The following CHST11 variants were observed in gnomAD, a reference collection of about 807,000 sequenced individuals.
The protein encoded by CHST11 is carbohydrate sulfotransferase 11, also known as C4S-1.
CHST11 carries 9 observed loss-of-function variants against 30.4 expected under a neutral mutation model. The observed-to-expected ratio is 0.30, with a 90% confidence interval of 0.18 to 0.52. The LOEUF is 0.52. Among genes scored for constraint, CHST11 ranks in the 20% least tolerant of loss-of-function variants. CHST11 has a pLI of 0.97. For missense variants in CHST11, 348 were observed against 460.6 expected (o/e 0.76, Z 2.24); for synonymous variants, 152 against 187.8 (o/e 0.81, Z 1.56).
chr12:104,630,952 C>T (rs139927507), intron 2 of CHST11, among the ~76,000 whole-genome samples: 2 of 152,256 alleles, frequency 1.3e-5, no homozygotes, highest in African/African-American at 4.8e-5. Context: ...AGAATAAGGG[C>T]CTCTCATTAA....
chr12:104,581,548 T>A (rs1344516572), intron 1 of CHST11, among the ~76,000 whole-genome samples: 1 of 152,158 alleles, frequency 6.6e-6, no homozygotes, highest in Non-Finnish European at 1.5e-5. Flanking sequence ...TGGAAACCGT[T>A]GATTTAAAGG....
At chr12:104,500,275 G>T (rs1279917059) in intron 1 of CHST11, among the ~76,000 whole-genome samples, 2 of 152,088 alleles carry the variant, frequency 1.3e-5, no homozygotes, top group African/African-American at 4.8e-5. Flanking sequence ...CTCTCCTCTG[G>T]CAGCCTTGGT....
intron 2 of CHST11, among the ~76,000 whole-genome samples, chr12:104,709,250 C>T (rs1025023802): frequency 5.3e-5 from 8 of 152,224 alleles, no homozygotes; most frequent in Non-Finnish European, 8.8e-5. Flanking sequence ...CCCACAGCCT[C>T]GCCCCCACAC....
chr12:104,594,658 A>T (rs1426831601), intron 1 of CHST11, among the ~76,000 whole-genome samples: 3 of 152,122 alleles, frequency 2.0e-5, no homozygotes, highest in Admixed American at 6.5e-5. Context: ...CTTCTTTTGC[A>T]TTTAAAAGGA....
At chr12:104,538,916 C>G (rs2038262763) in intron 1 of CHST11, among the ~76,000 whole-genome samples, 1 of 152,176 alleles carries the variant, frequency 6.6e-6, no homozygotes, top group African/African-American at 2.4e-5. Flanking sequence ...GACACGGTGT[C>G]TGCATTCAAC....
At chr12:104,750,463 A>T (rs2040422257) in intron 2 of CHST11, among the ~76,000 whole-genome samples, 2 of 30,172 alleles carry the variant, frequency 6.6e-5, no homozygotes, top group Non-Finnish European at 1.2e-4. Flanking sequence ...TTTTGTTGAG[A>T]CTGAGTCTCG....
In CHST11 at chr12:104,601,987, T is replaced by C. The variant is rs779979438; in HGVS notation, c.200T>C (p.Ile67Thr). 1 of 1,612,628 alleles carries C rather than the reference T, an allele frequency of 6.2e-7. No homozygotes were observed. Among genetic ancestry groups the C allele is most frequent in the South Asian group, 1.1e-5 (1 of 90,966 alleles). ...RSPLQELYNP[I>T]QLELSNTAVL... ...CCCCTGCAGGAACTCTACAACCCAA[T>C]CCAGGTAAGCTTCAAGCACTCTGTC... Residue 67 changes from isoleucine (I) to threonine (T), a missense_variant, in exon 2 of 3, where the codon ATC (isoleucine) becomes ACC (threonine). Ile to Thr is a moderately conservative substitution (Grantham distance 89). Transcript: ENST00000303694.
intron 2 of CHST11, among the ~76,000 whole-genome samples, chr12:104,656,516 C>T (rs1162936749): frequency 6.6e-6 from 1 of 152,196 alleles, no homozygotes; most frequent in Non-Finnish European, 1.5e-5. Context: ...CTCGTGTCAT[C>T]TCCTATGAAG....
chr12:104,742,087 G>A (rs1382857563), intron 2 of CHST11, among the ~76,000 whole-genome samples: 4 of 152,220 alleles, frequency 2.6e-5, no homozygotes, highest in Admixed American at 6.5e-5. Context: ...ACCATGCTAT[G>A]TGCTTTCCTT....
chr12:104,506,728 A>C (rs913205103), intron 1 of CHST11, among the ~76,000 whole-genome samples: 1 of 152,200 alleles, frequency 6.6e-6, no homozygotes, highest in Non-Finnish European at 1.5e-5. Flanking sequence ...GGGAGGGCTA[A>C]GAGGACACAG....
Position 104,457,385 on chromosome 12 carries a change from C to A in CHST11, c.-27C>A. The stretch of plus-strand genomic sequence containing the variant: ...CGCCCCGGGCGCGCTTCCCGGACAC[C>A]CCGGTCCCCGCAGCCAGGACAAAGC... On this transcript the variant is annotated 5_prime_UTR_variant, in exon 1 of 3. Coordinates refer to ENST00000303694, the MANE Select transcript of CHST11 (RefSeq NM_018413.6). 6.3e-7 allele frequency: 1 copy of A among 1,575,516 alleles called. No individual in the cohort carries two copies. The highest frequency in any genetic ancestry group is 8.7e-7 in the Non-Finnish European group (1 of 1,146,794).
At chr12:104,704,290 C>A (rs1396011095) in intron 2 of CHST11, among the ~76,000 whole-genome samples, 1 of 152,196 alleles carries the variant, frequency 6.6e-6, no homozygotes, top group African/African-American at 2.4e-5. Flanking sequence ...CTCAGGGAGA[C>A]CCAGGAAGGC....
intron 2 of CHST11, among the ~76,000 whole-genome samples, chr12:104,641,485 C>T (rs1446584040): frequency 6.6e-6 from 1 of 152,132 alleles, no homozygotes; most frequent in Non-Finnish European, 1.5e-5. Context: ...CACCTGTGTT[C>T]CCCCTCCTCT....
At chr12:104,608,676 AC>A (rs1469124751) in intron 2 of CHST11, among the ~76,000 whole-genome samples, 1 of 152,170 alleles carries the variant, frequency 6.6e-6, no homozygotes, top group African/African-American at 2.4e-5. Flanking sequence ...GCAGGACATA[AC>A]CCATTATGTG....
chr12:104,513,136 GGT>G (rs2037985066), intron 1 of CHST11, among the ~76,000 whole-genome samples: 9 of 95,490 alleles, frequency 9.4e-5, no homozygotes, highest in African/African-American at 2.3e-4. Context: ...GGGGGGGGGG[GGT>G]TGGGGGTGGG....
At chr12:104,594,496 A>G (rs1381744478) in intron 1 of CHST11, among the ~76,000 whole-genome samples, 1 of 152,192 alleles carries the variant, frequency 6.6e-6, no homozygotes, top group African/African-American at 2.4e-5. Context: ...ACCATGTCTA[A>G]GCCAAACTGT....
intron 1 of CHST11, among the ~76,000 whole-genome samples, chr12:104,546,594 G>A (rs150255808): frequency 2.0e-5 from 3 of 152,288 alleles, no homozygotes; most frequent in African/African-American, 7.2e-5. Flanking sequence ...ATGGAAAAGG[G>A]AATTGAAAAA....
chr12:104,494,625 C>T (rs1015404175), intron 1 of CHST11, among the ~76,000 whole-genome samples: 1 of 152,152 alleles, frequency 6.6e-6, no homozygotes. Context: ...CAGCGCTTCT[C>T]AGAACAATGT....
intron 1 of CHST11, among the ~76,000 whole-genome samples, chr12:104,590,013 T>TTAAATAAA (rs111573363): frequency 0.27 from 40,068 of 150,690 alleles, 5,441 homozygotes; most frequent in South Asian, 0.31. Context: ...TGTCTCAAAA[T>TTAAATAAA]TAAATAAATA....
Sources: gnomAD v4.1 joint callset for allele counts (sites outside exome capture counted in the v4.1 genomes callset) on GRCh38, gnomAD v4.1.1 for gene constraint, MANE v1.5 for transcripts, NCBI Gene and HGNC (gene_info 2026-07-23, HGNC 2026-07-21) for gene names.